The following ZNF536 variants were observed in gnomAD, a reference collection of about 807,000 sequenced individuals.
ZNF536 encodes the protein zinc finger protein 536.
A neutral mutation model predicts 84.5 loss-of-function variants in ZNF536; 13 were observed. That is an observed-to-expected ratio of 0.15 (90% CI 0.10 to 0.24). The LOEUF is 0.24. Ranked by LOEUF, ZNF536 falls within the 10% of genes least tolerant of loss-of-function variation. The pLI is 1.00. For synonymous variants in ZNF536, 811 were observed against 742.5 expected (o/e 1.09, Z -1.50); for missense variants, 1,536 against 1,747.5 (o/e 0.88, Z 2.16).
intron 1 of ZNF536, among the ~76,000 whole-genome samples, chr19:30,388,651 A>G (rs2147297094): frequency 6.6e-6 from 1 of 152,328 alleles, no homozygotes; most frequent in Non-Finnish European, 1.5e-5. Flanking sequence ...CTAAACCCTC[A>G]CGGTGTTTTC....
At chr19:30,670,636 G>A (rs543021510) in intron 1 of ZNF536, among the ~76,000 whole-genome samples, 1 of 152,340 alleles carries the variant, frequency 6.6e-6, no homozygotes, top group Non-Finnish European at 1.5e-5. Context: ...ATTTGGTTTT[G>A]TTGGGGGAGG....
intron 2 of ZNF536, among the ~76,000 whole-genome samples, chr19:30,307,764 G>A (rs900740168): frequency 6.6e-6 from 1 of 152,136 alleles, no homozygotes; most frequent in Non-Finnish European, 1.5e-5. Context: ...TTAGTTATTG[G>A]CTCGTGTTTA....
intron 1 of ZNF536, among the ~76,000 whole-genome samples, chr19:30,686,743 A>T (rs922924907): frequency 1.3e-5 from 2 of 150,376 alleles, no homozygotes; most frequent in Non-Finnish European, 3.0e-5. Flanking sequence ...AGCGTCGCAC[A>T]CTCTCATCGC....
intron 1 of ZNF536, among the ~76,000 whole-genome samples, chr19:30,407,952 T>A (rs1177476467): frequency 1.3e-5 from 2 of 152,038 alleles, no homozygotes; most frequent in Non-Finnish European, 2.9e-5. Context: ...GGGGTTTCCT[T>A]TGTTGAGAGG....
At chr19:30,292,241 G>C (rs1179400360) in intron 2 of ZNF536, among the ~76,000 whole-genome samples, 1 of 152,034 alleles carries the variant, frequency 6.6e-6, no homozygotes, top group African/African-American at 2.4e-5. Flanking sequence ...GTACCTGTCT[G>C]TGTGACTCCA....
intron 1 of ZNF536, among the ~76,000 whole-genome samples, chr19:30,380,418 C>G (rs1274166549): frequency 6.6e-6 from 1 of 152,132 alleles, no homozygotes; most frequent in Non-Finnish European, 1.5e-5. Context: ...TAAACCCAGC[C>G]AGGCCCACGA....
At chr19:30,517,541 A>G (rs991580348) in intron 2 of ZNF536, among the ~76,000 whole-genome samples, 10 of 152,186 alleles carry the variant, frequency 6.6e-5, no homozygotes, top group African/African-American at 9.7e-5. Context: ...AATGCTGACC[A>G]TGTGTGAGTG....
At chr19:30,369,033 G>C (rs2048527824), upstream of ZNF536, among the ~76,000 whole-genome samples, 1 of 152,160 alleles carries the variant, frequency 6.6e-6, no homozygotes, top group South Asian at 2.1e-4. Flanking sequence ...TTGTTGTGAA[G>C]TGTTACCAAC....
chr19:30,449,696 C>G (rs991997871), intron 2 of ZNF536, among the ~76,000 whole-genome samples: 1 of 152,046 alleles, frequency 6.6e-6, no homozygotes, highest in Non-Finnish European at 1.5e-5. Context: ...GGGAGAGATG[C>G]GAAGATGAAA....
chr19:30,237,107 C>A (rs1461809134), intron 1 of ZNF536, among the ~76,000 whole-genome samples: 1 of 151,940 alleles, frequency 6.6e-6, no homozygotes, highest in Non-Finnish European at 1.5e-5. Context: ...TGAAAAATAC[C>A]AGGCCCCTGT....
At chr19:30,232,404 C>T (rs2023134345) in intron 1 of ZNF536, among the ~76,000 whole-genome samples, 2 of 148,526 alleles carry the variant, frequency 1.3e-5, no homozygotes, top group East Asian at 4.0e-4. Context: ...AGCATGGCAC[C>T]CAGTAGTTTC....
At chr19:30,698,249 G>A (rs561565202) in intron 1 of ZNF536, among the ~76,000 whole-genome samples, 14 of 151,292 alleles carry the variant, frequency 9.3e-5, no homozygotes, top group Admixed American at 2.0e-4. Flanking sequence ...CTGAGACTGC[G>A]CCACTGTACT....
At chr19:30,447,544 C>A (rs1220366826) in intron 2 of ZNF536, among the ~76,000 whole-genome samples, 1 of 152,152 alleles carries the variant, frequency 6.6e-6, no homozygotes, top group Non-Finnish European at 1.5e-5. Context: ...AGTGTCTAAC[C>A]AGCAGCATGA....
At chr19:30,604,700 G>A (rs1028943579) in intron 1 of ZNF536, among the ~76,000 whole-genome samples, 1 of 152,202 alleles carries the variant, frequency 6.6e-6, no homozygotes, top group African/African-American at 2.4e-5. Flanking sequence ...AATTGAGTTT[G>A]TGGGTCTTGG....
At chr19:30,688,134 C>T (rs1156558953) in intron 1 of ZNF536, among the ~76,000 whole-genome samples, 3 of 152,102 alleles carry the variant, frequency 2.0e-5, no homozygotes, top group South Asian at 2.1e-4. Flanking sequence ...TGAGCCCCAC[C>T]GGTTCAGTCC....
At chr19:30,462,680 G>A (rs559973622) in intron 2 of ZNF536, among the ~76,000 whole-genome samples, 7 of 152,126 alleles carry the variant, frequency 4.6e-5, no homozygotes, top group African/African-American at 1.7e-4. Flanking sequence ...GATGGGGTGT[G>A]TGTTGTGTGG....
At chr19:30,282,473 C>T (rs1211963868) in intron 1 of ZNF536, among the ~76,000 whole-genome samples, 1 of 152,170 alleles carries the variant, frequency 6.6e-6, no homozygotes, top group Non-Finnish European at 1.5e-5. Context: ...TGGGACTTCC[C>T]CCGATGAAGA....
At chr19:30,637,708 A>AT (rs2049120434) in intron 1 of ZNF536, among the ~76,000 whole-genome samples, 1 of 152,164 alleles carries the variant, frequency 6.6e-6, no homozygotes, top group Admixed American at 6.5e-5. Flanking sequence ...TTTCTAGAGC[A>AT]TCACCCCTTT....
chr19:30,311,823 C>T (rs2046513843), intron 2 of ZNF536, among the ~76,000 whole-genome samples: 1 of 152,126 alleles, frequency 6.6e-6, no homozygotes, highest in Non-Finnish European at 1.5e-5. Flanking sequence ...ATTCCCAGTG[C>T]TTTGGGAGGC....
Sources: allele counts gnomAD v4.1 joint callset (sites outside exome capture counted in the v4.1 genomes callset), GRCh38; gene constraint gnomAD v4.1.1; transcripts MANE v1.5; gene names NCBI Gene and HGNC (gene_info 2026-07-23, HGNC 2026-07-21).